TRPM6: variants seen among roughly 807,000 people sequenced by gnomAD.
TRPM6 encodes channel kinase 2.
TRPM6 carries 111 observed loss-of-function variants against 247.6 expected under a neutral mutation model. The observed-to-expected ratio is 0.45, with a 90% confidence interval of 0.38 to 0.52. The LOEUF (loss-of-function observed/expected upper bound fraction) is 0.52. TRPM6 is among the 20% of genes least tolerant of loss of function. The pLI, the probability that TRPM6 is intolerant of heterozygous loss-of-function variation, is 0.00. For synonymous variants in TRPM6, 892 were observed against 853.8 expected (o/e 1.04, Z -0.78); for missense variants, 2,126 against 2,421.5 (o/e 0.88, Z 2.56).
At chr9:74,763,194 C>G in intron 25 of TRPM6, 60 bp from the exon 26 acceptor site, 1 of 1,519,840 alleles carries the variant, frequency 6.6e-7, no homozygotes, top group South Asian at 1.1e-5. Flanking sequence ...AATTTGCTCT[C>G]TTCCTACCCT....
At chr9:74,734,206 G>A (rs961334412) in intron 36 of TRPM6, among the ~76,000 whole-genome samples, 14 of 152,110 alleles carry the variant, frequency 9.2e-5, no homozygotes, top group African/African-American at 1.7e-4. Context: ...ACAATCCAGC[G>A]ATTTCTGAGA....
rs1563983726 is a variant in TRPM6, at chr9:74,723,889, T to TATCCATATGGAATATATATATTCC, written c.*723_*724insGGAATATATATATTCCATATGGAT. On this transcript the variant is annotated 3_prime_UTR_variant, in exon 39 of 39. Coordinates refer to ENST00000360774, the MANE Select transcript of TRPM6 (RefSeq NM_017662.5). ...ATATATATTCCATATATATTATATATATAAAAATATATATAATATACATAT... is the reference window on the plus strand; with the variant it reads ...ATATATATTCCATATATATTATATATATCCATATGGAATATATATATTCCATAAAAATATATATAATATACATAT... 1 of 146,020 alleles carries TATCCATATGGAATATATATATTCC rather than the reference T, an allele frequency of 6.8e-6. No homozygotes were observed. Among genetic ancestry groups the TATCCATATGGAATATATATATTCC allele is most frequent in the African/African-American group, 2.5e-5 (1 of 39,468 alleles). 9.0% of individuals were successfully genotyped at this position (146,020 alleles called of 1,614,324 possible).
intron 3 of TRPM6, 47 bp from the exon 4 acceptor site, chr9:74,842,390 G>A (rs758434936): frequency 4.4e-6 from 7 of 1,587,470 alleles, no homozygotes; most frequent in Non-Finnish European, 8.7e-7. Flanking sequence ...ATAGAAAATA[G>A]ATGCAATATG....
chr9:74,742,488 G>T, intron 33 of TRPM6, 73 bp downstream of exon 33: 5 of 1,404,016 alleles, frequency 3.6e-6, no homozygotes, highest in Non-Finnish European at 5.0e-6. Flanking sequence ...AATGCAATGT[G>T]GTTTCCTTTG....
intron 3 of TRPM6, among the ~76,000 whole-genome samples, chr9:74,844,722 C>T (rs1230612066): frequency 6.6e-6 from 1 of 152,206 alleles, no homozygotes; most frequent in Non-Finnish European, 1.5e-5. Flanking sequence ...TGGAGTAGCA[C>T]TTATAATTTC....
At chr9:74,825,272 A>G (rs188157292) in intron 7 of TRPM6, among the ~76,000 whole-genome samples, 70 of 152,286 alleles carry the variant, frequency 4.6e-4, no homozygotes, top group African/African-American at 1.6e-3. Context: ...CAGAAAAAAC[A>G]AAAAAGTCAA....
intron 5 of TRPM6, 140 bp from the exon 6 acceptor site, chr9:74,834,262 T>C: frequency 1.1e-6 from 1 of 945,674 alleles, no homozygotes; most frequent in Non-Finnish European, 1.6e-6. Flanking sequence ...TGGAATTAGT[T>C]TCTGATACCT....
At position 74,739,432 on chromosome 9, in the gene TRPM6, T is replaced by C. The variant is rs773358324; in HGVS notation, c.5505A>G (p.Arg1835=). 13 of 1,614,116 alleles carry C rather than the reference T, an allele frequency of 8.1e-6. No homozygotes were observed. In the East Asian group the frequency reaches 2.7e-4, roughly 33 times the overall value. The part of the protein sequence containing the change: ...HLCLREIQQQ[R]AAQKLIYTFN... ...AGGTATAGATCAATTTTTGAGCAGC[T>C]CTTTGTTGTTGAATTTCCTACAAAA... The change falls in exon 35 of 39, where the codon AGA becomes AGG. Residue 1835 remains arginine (R), a synonymous_variant. Coordinates refer to ENST00000360774, the MANE Select transcript of TRPM6 (RefSeq NM_017662.5).
chr9:74,835,280 T>C (rs187270442), intron 5 of TRPM6, among the ~76,000 whole-genome samples: 325 of 152,292 alleles, frequency 2.1e-3, no homozygotes, highest in African/African-American at 7.5e-3. Context: ...TTGATGGGGT[T>C]GTTTGATTTC....
chr9:74,796,818 G>A lies in TRPM6; in HGVS notation c.2314C>T (p.Pro772Ser). The stretch of plus-strand genomic sequence containing the variant: ...ATAAATTGGAAGTCCTGGGACTGGG[G>A]AACATGTGACATCTCAGCTTTGCTT... ...FKSKAEMSHVPQSQDFQFMWY... is the reference protein window; with the variant it reads ...FKSKAEMSHVSQSQDFQFMWY... The change falls in exon 18 of 39, where the codon CCC (proline) becomes TCC (serine). Residue 772 changes from proline to serine, a missense_variant. Physicochemically the swap from Pro to Ser is moderately conservative, Grantham distance 74 (BLOSUM62 -1). Coordinates refer to ENST00000360774, the MANE Select transcript of TRPM6 (RefSeq NM_017662.5). 6.2e-7 allele frequency: 1 copy of A among 1,613,806 alleles called. No individual in the cohort carries two copies. Among genetic ancestry groups the A allele is most frequent in the Non-Finnish European group, 8.5e-7 (1 of 1,179,768 alleles).
chr9:74,784,319 C>T (rs901935895), intron 21 of TRPM6, among the ~76,000 whole-genome samples: 7 of 151,706 alleles, frequency 4.6e-5, no homozygotes, highest in Admixed American at 2.0e-4. Context: ...CACAACTGTA[C>T]GGCAAGCTCA....
At chr9:74,851,641 C>A (rs563418904) in intron 3 of TRPM6, among the ~76,000 whole-genome samples, 11 of 151,190 alleles carry the variant, frequency 7.3e-5, no homozygotes, top group African/African-American at 2.4e-4. Flanking sequence ...CCCAGCTACT[C>A]GGGAGGCTGA....
At chr9:74,733,395 T>C (rs181918571) in intron 36 of TRPM6, among the ~76,000 whole-genome samples, 177 of 152,342 alleles carry the variant, frequency 1.2e-3, no homozygotes, top group African/African-American at 4.2e-3. Flanking sequence ...CCCTCTGTTA[T>C]AATAAACTTC....
At chr9:74,795,292 A>G (rs1012991617) in intron 18 of TRPM6, among the ~76,000 whole-genome samples, 7 of 152,138 alleles carry the variant, frequency 4.6e-5, no homozygotes, top group Non-Finnish European at 8.8e-5. Context: ...TAATTTCTCT[A>G]ATAGTCAGAT....
chr9:74,756,048 C>T (rs1043062720), intron 27 of TRPM6, among the ~76,000 whole-genome samples: 24 of 152,098 alleles, frequency 1.6e-4, no homozygotes, highest in Non-Finnish European at 1.0e-4. Flanking sequence ...AGAACAAATG[C>T]GGTAAATTGG....
chr9:74,734,643 A>C (rs903497277), intron 36 of TRPM6, among the ~76,000 whole-genome samples: 3 of 152,200 alleles, frequency 2.0e-5, no homozygotes, highest in Non-Finnish European at 2.9e-5. Context: ...AGGAAGCTGA[A>C]AAAATGTTCA....
chr9:74,804,913 G>T, intron 14 of TRPM6: 1 of 303,700 alleles, frequency 3.3e-6, no homozygotes. Context: ...AAATATTTAT[G>T]GAAAATAAAG....
chr9:74,770,495 C>T (rs1826995257), intron 25 of TRPM6, among the ~76,000 whole-genome samples: 2 of 152,196 alleles, frequency 1.3e-5, no homozygotes, highest in Non-Finnish European at 2.9e-5. Flanking sequence ...ACTCAGATCA[C>T]ATTATAGCTT....
chr9:74,863,990 T>TA (rs201154751), intron 1 of TRPM6, among the ~76,000 whole-genome samples: 18 of 151,838 alleles, frequency 1.2e-4, no homozygotes, highest in South Asian at 4.2e-4. Flanking sequence ...TTTTGCACCT[T>TA]AAAAAAAATC....
Sources: gnomAD v4.1 joint callset for allele counts (sites outside exome capture counted in the v4.1 genomes callset) on GRCh38, gnomAD v4.1.1 for gene constraint, MANE v1.5 for transcripts, NCBI Gene and HGNC (gene_info 2026-07-23, HGNC 2026-07-21) for gene names.